The following DNAH3 variants were observed in gnomAD, a reference collection of about 807,000 sequenced individuals.
DNAH3 encodes the protein axonemal beta dynein heavy chain 3.
DNAH3 carries 332 observed loss-of-function variants against 432.5 expected under a neutral mutation model. That is an observed-to-expected ratio of 0.77 (90% CI 0.70 to 0.84). The LOEUF is 0.84. Ranked by LOEUF, DNAH3 falls within the 40% of genes least tolerant of loss-of-function variation. The probability of loss-of-function intolerance (pLI) is 0.00; values close to 1 mark genes in which losing one functional copy is unlikely to be tolerated. For missense variants in DNAH3, 4,861 were observed against 5,114.0 expected (o/e 0.95, Z 1.51); for synonymous variants, 1,956 against 1,900.2 (o/e 1.03, Z -0.76).
At chr16:20,936,171 T>C (rs2083582439) in intron 60 of DNAH3, among the ~76,000 whole-genome samples, 1 of 151,806 alleles carries the variant, frequency 6.6e-6, no homozygotes, top group African/African-American at 2.4e-5. Context: ...TTTTTCTTTT[T>C]AGACGGAGTC....
Position 21,105,113 on chromosome 16 carries a change from C to T in DNAH3, c.2285-561G>A, listed in dbSNP as rs567442320. 3.0e-4 allele frequency among the ~76,000 whole-genome samples: 46 copies of T among 152,200 alleles called. 1 individual carries two copies. In the South Asian group the frequency reaches 6.9e-3, roughly 23 times the overall value. On this transcript the variant is annotated intron_variant, in intron 15 of 61. Transcript: ENST00000261383. ...CACCCTGGGTTTCCTTTGTGAATTT[C>T]GGGAGGCAGAGCCCACAGTGAGAGT...
At chr16:21,098,210 G>A (rs111892442) in intron 17 of DNAH3, among the ~76,000 whole-genome samples, 9,011 of 151,990 alleles carry the variant, frequency 0.059, 927 homozygotes, top group African/African-American at 0.2. Flanking sequence ...TGGGAGATGA[G>A]GCAGGTGGAT....
chr16:21,049,527 C>T, intron 31 of DNAH3, 42 bp downstream of exon 31: 2 of 1,550,844 alleles, frequency 1.3e-6, no homozygotes, highest in Non-Finnish European at 1.8e-6. Context: ...AAAGCCCCTC[C>T]ATGCACAGCT....
At chr16:21,089,504 T>C (rs528782181) in intron 18 of DNAH3, among the ~76,000 whole-genome samples, 1 of 152,242 alleles carries the variant, frequency 6.6e-6, no homozygotes, top group Non-Finnish European at 1.5e-5. Context: ...AGTAAAATCA[T>C]GCAAAGTGTC....
chr16:21,030,975 T>A, intron 37 of DNAH3, 70 bp downstream of exon 37: 3 of 1,512,078 alleles, frequency 2.0e-6, no homozygotes, highest in Non-Finnish European at 1.8e-6. Flanking sequence ...ATAGTTTTGA[T>A]CAATCACTTA....
intron 54 of DNAH3, among the ~76,000 whole-genome samples, chr16:20,955,785 T>C (rs975704770): frequency 6.6e-6 from 1 of 152,140 alleles, no homozygotes; most frequent in Non-Finnish European, 1.5e-5. Context: ...TGCAAGTGTA[T>C]CTATGCCCAC....
intron 16 of DNAH3, among the ~76,000 whole-genome samples, chr16:21,102,609 C>T (rs552353704): frequency 1.3e-5 from 2 of 152,216 alleles, no homozygotes; most frequent in South Asian, 2.1e-4. Context: ...AAAGATGAGC[C>T]TTCTGTTTAT....
chr16:21,077,887 G>C (rs545251067), intron 20 of DNAH3, among the ~76,000 whole-genome samples: 1 of 152,054 alleles, frequency 6.6e-6, no homozygotes, highest in East Asian at 1.9e-4. Flanking sequence ...CCTGGAACTG[G>C]GTATTGACAC....
intron 20 of DNAH3, among the ~76,000 whole-genome samples, chr16:21,078,026 A>G (rs1286807002): frequency 6.6e-6 from 1 of 152,214 alleles, no homozygotes. Flanking sequence ...CTGTAATCCC[A>G]GCACTTTGGG....
At chr16:21,057,697 C>T (rs1406940063) in intron 27 of DNAH3, among the ~76,000 whole-genome samples, 4 of 152,110 alleles carry the variant, frequency 2.6e-5, no homozygotes, top group South Asian at 4.2e-4. Flanking sequence ...TGGGTTCATT[C>T]GGGAGGGAGT....
chr16:20,959,691 G>A (rs2084735367), intron 53 of DNAH3, among the ~76,000 whole-genome samples: 4 of 149,860 alleles, frequency 2.7e-5, no homozygotes, highest in Admixed American at 2.7e-4. Context: ...ATTAAATTTT[G>A]GACTCAGAAA....
intron 25 of DNAH3, among the ~76,000 whole-genome samples, chr16:21,061,319 T>G (rs1228746672): frequency 6.8e-6 from 1 of 146,430 alleles, no homozygotes; most frequent in Non-Finnish European, 1.5e-5. Context: ...CATTGCAACT[T>G]CCGCCTCCTG....
At chr16:21,135,548 C>T (rs2092630310) in intron 6 of DNAH3, among the ~76,000 whole-genome samples, 2 of 152,026 alleles carry the variant, frequency 1.3e-5, no homozygotes, top group Non-Finnish European at 2.9e-5. Context: ...CAAAAATTAG[C>T]TGGGAGTGGT....
In DNAH3 at chr16:21,003,096, CTTTA is replaced by C; in HGVS notation, c.6126+4_6126+7del. 6.3e-7 allele frequency: 1 copy of C among 1,577,610 alleles called. No individual in the cohort carries two copies. On this transcript the variant is annotated splice_donor_5th_base_variant and intron_variant, in intron 42 of 61. Coordinates refer to ENST00000261383, the Ensembl canonical transcript of DNAH3. The stretch of plus-strand genomic sequence containing the variant: ...CCAAAGTTCCATGGCCAATGATTCT[CTTTA>C]TACCTTTGCACCAGCTGGAACTTTT...
At chr16:21,039,942 G>A in exon 33 of DNAH3, 7 of 1,612,618 alleles carry the variant, frequency 4.3e-6, no homozygotes, top group Non-Finnish European at 5.1e-6. Context: ...CCGGAACAAG[G>A]CCTGGAAAAG....
rs200425644 is a variant in DNAH3 at position 21,148,437 on chromosome 16, TA to T, written c.118-2350del. Among the ~76,000 whole-genome samples, 381 of 143,346 alleles carry T rather than the reference TA, an allele frequency of 2.7e-3. 1 individual carries two copies. Among genetic ancestry groups the T allele is most frequent in the African/African-American group, 9.4e-3 (357 of 38,072 alleles). The allele number at this position is 143,346 out of a possible 152,430, so 94.0% of individuals were successfully genotyped here. A position where few individuals can be genotyped will look rare whatever the true frequency, so the allele number is the denominator to read the frequency against. On this transcript the variant is annotated intron_variant, in intron 1 of 61. Coordinates refer to ENST00000261383, the Ensembl canonical transcript of DNAH3. ...GTGACTTATTTATTATTATTATTAT[TA>T]TTTATTTTTTTTTTTTGAGTCCAAG...
chr16:20,983,479 C>T (rs1038297462), intron 48 of DNAH3, among the ~76,000 whole-genome samples: 1 of 152,118 alleles, frequency 6.6e-6, no homozygotes, highest in African/African-American at 2.4e-5. Flanking sequence ...CCGCATCCTT[C>T]GGGTCACGTA....
chr16:20,963,866 C>G, exon 53 of DNAH3: 1 of 1,614,104 alleles, frequency 6.2e-7, no homozygotes, highest in Non-Finnish European at 8.5e-7. Context: ...TTCAGTTCCT[C>G]GCTCTTCGTG....
chr16:21,033,759 A>G (rs2089014012), intron 36 of DNAH3, among the ~76,000 whole-genome samples: 3 of 152,208 alleles, frequency 2.0e-5, no homozygotes, highest in Non-Finnish European at 4.4e-5. Flanking sequence ...TCCAGGCCTT[A>G]ATGATATGCA....
Sources: gnomAD v4.1 joint callset for allele counts (sites outside exome capture counted in the v4.1 genomes callset) on GRCh38, gnomAD v4.1.1 for gene constraint, MANE v1.5 for transcripts, NCBI Gene and HGNC (gene_info 2026-07-23, HGNC 2026-07-21) for gene names.